Variants in WNT2B observed in about 807,000 individuals in gnomAD.
WNT2B encodes protein Wnt-2b.
In WNT2B, 19 loss-of-function variants were observed where a neutral mutation model predicts 40.5. The observed-to-expected ratio is 0.47, with a 90% confidence interval of 0.33 to 0.69. The LOEUF (loss-of-function observed/expected upper bound fraction) is 0.69. Ranked by LOEUF, WNT2B falls within the 30% of genes least tolerant of loss-of-function variation. The pLI is 0.02. For missense variants in WNT2B, 467 were observed against 556.4 expected (o/e 0.84, Z 1.62); for synonymous variants, 220 against 211.9 (o/e 1.04, Z -0.33).
rs773427812 is a variant in WNT2B, at chr1:112,517,402, G to A, written c.946+17G>A. 6.3e-7 allele frequency: 1 copy of A among 1,590,638 alleles called. No homozygotes were observed. The highest frequency in any genetic ancestry group is 1.1e-5 in the South Asian group (1 of 88,504). On this transcript the variant is annotated intron_variant, in intron 4 of 4. Transcript: ENST00000369684. ...AGGCTGCAGGTGAGTAAGGAAGGCA[G>A]GCAGGGACATGCAGTCCCAGTTCTT...
chr1:112,526,189 A>AGTTTACAAAGGAAC lies in WNT2B; in HGVS notation c.*5681_*5694dup, dbSNP rs1361496698. On this transcript the variant is annotated 3_prime_UTR_variant, in exon 5 of 5. Transcript: ENST00000369684. Reference sequence around the variant, plus strand: ...CAGCCAAGAGAGTATATCTGAGCACAGTTTACAAAGGAACAGCCTAGGCCC... The same window carrying AGTTTACAAAGGAAC: ...CAGCCAAGAGAGTATATCTGAGCACAGTTTACAAAGGAACGTTTACAAAGGAACAGCCTAGGCCC... The AGTTTACAAAGGAAC allele has an allele frequency of 4.3e-5, 68 of 1,591,642 alleles. No individual in the cohort carries two copies. Among genetic ancestry groups the AGTTTACAAAGGAAC allele is most frequent in the Non-Finnish European group, 5.8e-5 (68 of 1,169,066 alleles).
At position 112,520,632 on chromosome 1, in the gene WNT2B, A is replaced by G; in HGVS notation, c.*123A>G. 1.9e-6 allele frequency: 2 copies of G among 1,026,764 alleles called. No individual in the cohort carries two copies. The highest frequency in any genetic ancestry group is 2.9e-6 in the Non-Finnish European group (2 of 690,922). The allele number at this position is 1,026,764 out of a possible 1,614,324, so 63.6% of individuals were successfully genotyped here. A position where few individuals can be genotyped will look rare whatever the true frequency, so the allele number is the denominator to read the frequency against. On this transcript the variant is annotated 3_prime_UTR_variant, in exon 5 of 5. Transcript: ENST00000369684. The stretch of plus-strand genomic sequence containing the variant: ...TGCTACCGCTTCTATTTAAGGATGT[A>G]GAGAGTAATCCATAGGGACCATGGT...
chr1:112,519,868 G>GCTT (rs201288432), intron 4 of WNT2B, among the ~76,000 whole-genome samples: 16 of 110,248 alleles, frequency 1.5e-4, no homozygotes, highest in Non-Finnish European at 2.0e-4. Flanking sequence ...CAGAGCCCAT[G>GCTT]CTTCTTTTTT....
chr1:112,512,923 T>C (rs1045454717), intron 1 of WNT2B, among the ~76,000 whole-genome samples: 1 of 152,148 alleles, frequency 6.6e-6, no homozygotes, highest in Non-Finnish European at 1.5e-5. Flanking sequence ...CTTCCCATCT[T>C]AGATACTGAA....
At chr1:112,494,873 A>G (rs1261446258) in intron 1 of WNT2B, among the ~76,000 whole-genome samples, 1 of 151,598 alleles carries the variant, frequency 6.6e-6, no homozygotes, top group Non-Finnish European at 1.5e-5. Flanking sequence ...CATATTCTTA[A>G]TTGTTCTAAC....
rs1652511494 is a variant in WNT2B at position 112,515,843 on chromosome 1, A to C, written c.404-297A>C. On this transcript the variant is annotated intron_variant, in intron 2 of 4. Transcript: ENST00000369684. The surrounding 1 kb of genome is among the most constrained non-coding windows in gnomAD (Gnocchi z 4.4). The stretch of plus-strand genomic sequence containing the variant: ...ACTCAGTGGGAGGGGATGATTCACC[A>C]GGAGACTTTTCAATGGATGGACACA... Among the ~76,000 whole-genome samples the C allele has an allele frequency of 6.6e-6, 1 of 152,244 alleles. No homozygotes were observed. Among genetic ancestry groups the C allele is most frequent in the African/African-American group, 2.4e-5 (1 of 41,464 alleles).
At chr1:112,488,718 A>T (rs1651500572) in intron 1 of WNT2B, among the ~76,000 whole-genome samples, 1 of 150,586 alleles carries the variant, frequency 6.6e-6, no homozygotes, top group African/African-American at 2.4e-5. Context: ...TGCCCGGCTA[A>T]TTTTTTTTTG....
intron 4 of WNT2B, among the ~76,000 whole-genome samples, chr1:112,519,128 A>G (rs1325182219): frequency 6.6e-6 from 1 of 152,208 alleles, no homozygotes; most frequent in Non-Finnish European, 1.5e-5. Flanking sequence ...TAACATATAC[A>G]GTAGACCTAG....
upstream of WNT2B, among the ~76,000 whole-genome samples, chr1:112,506,324 G>A (rs761250485): frequency 1.3e-5 from 2 of 152,166 alleles, no homozygotes; most frequent in Non-Finnish European, 2.9e-5. Context: ...TAATACTTGA[G>A]CATCTGTGTT....
chr1:112,507,546 C>T (rs1239315724), upstream of WNT2B, among the ~76,000 whole-genome samples: 1 of 152,152 alleles, frequency 6.6e-6, no homozygotes, highest in Non-Finnish European at 1.5e-5. Context: ...GACCCGGAGG[C>T]GGTGGGGAGA....
At chr1:112,513,031 G>A (rs12138754) in intron 1 of WNT2B, among the ~76,000 whole-genome samples, 24,685 of 152,104 alleles carry the variant, frequency 0.16, 2,512 homozygotes, top group Admixed American at 0.25. Flanking sequence ...CTTGTTGCCC[G>A]AGTTTGGCCT....
intron 1 of WNT2B, among the ~76,000 whole-genome samples, chr1:112,472,959 A>C (rs1650927376): frequency 6.7e-6 from 1 of 148,380 alleles, no homozygotes; most frequent in Non-Finnish European, 1.5e-5. Context: ...CAATACTAAA[A>C]AAAAAAAGGA....
intron 1 of WNT2B, among the ~76,000 whole-genome samples, chr1:112,476,742 A>G (rs1368429374): frequency 6.6e-6 from 1 of 152,178 alleles, no homozygotes; most frequent in Non-Finnish European, 1.5e-5. Flanking sequence ...TCCACCAGTG[A>G]TGATCTCAAC....
chr1:112,478,639 G>C (rs184086730), intron 1 of WNT2B, among the ~76,000 whole-genome samples: 5 of 152,160 alleles, frequency 3.3e-5, no homozygotes, highest in African/African-American at 9.6e-5. Flanking sequence ...ATGAAGGAGA[G>C]GCTGGGCATG....
intron 4 of WNT2B, among the ~76,000 whole-genome samples, chr1:112,518,669 T>C (rs1297150932): frequency 1.3e-5 from 2 of 152,190 alleles, no homozygotes; most frequent in African/African-American, 4.8e-5. Context: ...ACTACCATAC[T>C]GAAAATACAC....
At chr1:112,517,006 G>T (rs1482555608) in intron 3 of WNT2B, 115 bp from the exon 4 acceptor site, 2 of 1,416,296 alleles carry the variant, frequency 1.4e-6, no homozygotes, top group Admixed American at 4.2e-5. Context: ...AGCTCAATCG[G>T]CCAGCCAGGG....
upstream of WNT2B, among the ~76,000 whole-genome samples, chr1:112,507,893 G>A (rs1192038706): frequency 6.6e-5 from 10 of 152,192 alleles, no homozygotes; most frequent in Non-Finnish European, 1.0e-4. Flanking sequence ...ACTTCTGACG[G>A]AGGGCCACAG....
chr1:112,516,501 A>G (rs2101090619), intron 3 of WNT2B, 84 bp downstream of exon 3: 2 of 1,513,202 alleles, frequency 1.3e-6, no homozygotes, highest in Non-Finnish European at 1.8e-6. Context: ...AAATGTGAAG[A>G]TGGAAGAGCT....
In WNT2B at chr1:112,517,295, G is replaced by A. The variant is rs150246330; in HGVS notation, c.856G>A (p.Ala286Thr). 38 of 1,614,056 alleles carry A rather than the reference G, an allele frequency of 2.4e-5. No individual in the cohort carries two copies. The Middle Eastern group carries it at 1.3e-3, about 56-fold the overall frequency. The change falls in exon 4 of 5, where the codon GCA becomes ACA. Residue 286 changes from alanine to threonine, a missense_variant. Coordinates refer to ENST00000369684, the MANE Select transcript of WNT2B (RefSeq NM_024494.3). ...CACCCAAGATGGTGCCAACTTCACCGCAGCCCGCCAAGGCTATCGCCGTGC... is the reference window on the plus strand; with the variant it reads ...CACCCAAGATGGTGCCAACTTCACCACAGCCCGCCAAGGCTATCGCCGTGC... ...MATQDGANFT[A>T]ARQGYRRATR...
Sources: gnomAD v4.1 joint callset for allele counts (sites outside exome capture counted in the v4.1 genomes callset) on GRCh38, gnomAD v4.1.1 for gene constraint, Gnocchi (gnomAD v3.1) non-coding constraint, MANE v1.5 for transcripts, NCBI Gene and HGNC (gene_info 2026-07-23, HGNC 2026-07-21) for gene names.